PRDM5: variants seen among roughly 807,000 people sequenced by gnomAD.
The protein encoded by PRDM5 is PR domain zinc finger protein 5.
In PRDM5, 56 loss-of-function variants were observed where a neutral mutation model predicts 81.2. The ratio of observed to expected loss-of-function variants is 0.69; its 90% CI spans 0.56 to 0.86. The LOEUF is 0.86. Ranked by LOEUF, PRDM5 falls within the 40% of genes least tolerant of loss-of-function variation. The probability of loss-of-function intolerance (pLI) is 0.00; values close to 1 mark genes in which losing one functional copy is unlikely to be tolerated. For synonymous variants in PRDM5, 267 were observed against 256.4 expected, an observed-to-expected ratio of 1.04 and a Z score of -0.39; for missense variants, 697 against 770.1, an observed-to-expected ratio of 0.91 and a Z score of 1.12.
intron 13 of PRDM5, among the ~76,000 whole-genome samples, chr4:120,765,968 T>C (rs964749610): frequency 2.0e-4 from 31 of 151,436 alleles, no homozygotes; most frequent in Non-Finnish European, 3.0e-4. Flanking sequence ...TCTTTCTTTT[T>C]TTTTTTTTTT....
At chr4:120,705,458 A>G (rs1735972584) in intron 15 of PRDM5, among the ~76,000 whole-genome samples, 1 of 152,050 alleles carries the variant, frequency 6.6e-6, no homozygotes, top group Admixed American at 6.6e-5. Context: ...CCATGAAGGA[A>G]CCGGAAGAAA....
At chr4:120,716,979 G>T (rs1020439902) in intron 14 of PRDM5, among the ~76,000 whole-genome samples, 1 of 150,578 alleles carries the variant, frequency 6.6e-6, no homozygotes, top group Non-Finnish European at 1.5e-5. Context: ...GGTCAACACA[G>T]TTAGAAGAAC....
rs970580715 is a variant in PRDM5 at position 120,692,135 on chromosome 4, A to C, written c.*2976T>G. 3 of 152,106 alleles carry C rather than the reference A, an allele frequency of 2.0e-5. No homozygotes were observed. Among genetic ancestry groups the C allele is most frequent in the Admixed American group, 2.0e-4 (3 of 15,236 alleles). The allele number at this position is 152,106 out of a possible 1,614,324, so 9.4% of individuals were successfully genotyped here. On this transcript the variant is annotated 3_prime_UTR_variant, in exon 16 of 16. Coordinates refer to ENST00000264808, the MANE Select transcript of PRDM5 (RefSeq NM_018699.4). The stretch of plus-strand genomic sequence containing the variant: ...TCATAAGCAACATTTAGATTTGTGA[A>C]GGAAAAAAATGAATATTTCTAGTAC...
intron 1 of PRDM5, among the ~76,000 whole-genome samples, chr4:120,920,143 A>G (rs767025280): frequency 1.3e-5 from 2 of 152,148 alleles, no homozygotes; most frequent in Non-Finnish European, 2.9e-5. Flanking sequence ...TCCCATCTCA[A>G]CCTGGTGAAT....
chr4:120,721,563 A>G (rs967272358), intron 14 of PRDM5, among the ~76,000 whole-genome samples: 7 of 152,184 alleles, frequency 4.6e-5, no homozygotes, highest in African/African-American at 9.7e-5. Context: ...ACTGCTGCCT[A>G]TGTTCACAAA....
At chr4:120,850,608 C>A (rs1236267516) in intron 3 of PRDM5, among the ~76,000 whole-genome samples, 12 of 152,154 alleles carry the variant, frequency 7.9e-5, no homozygotes, top group Non-Finnish European at 1.2e-4. Flanking sequence ...ATGAAAGCCA[C>A]TGTCATTGCT....
At chr4:120,863,008 A>G (rs978029358) in intron 2 of PRDM5, among the ~76,000 whole-genome samples, 1 of 151,134 alleles carries the variant, frequency 6.6e-6, no homozygotes, top group Non-Finnish European at 1.5e-5. Flanking sequence ...AAAATACAAA[A>G]ATTAGCTGGG....
chr4:120,785,363 A>G (rs1460404347), intron 10 of PRDM5, among the ~76,000 whole-genome samples: 1 of 152,176 alleles, frequency 6.6e-6, no homozygotes, highest in African/African-American at 2.4e-5. Context: ...TAATCTGAAT[A>G]CACACTGAGA....
intron 13 of PRDM5, among the ~76,000 whole-genome samples, chr4:120,775,020 A>G (rs1267636671): frequency 3.3e-5 from 5 of 150,676 alleles, no homozygotes; most frequent in African/African-American, 1.2e-4. Flanking sequence ...ACATATATAT[A>G]TAATTTCTTT....
intron 2 of PRDM5, among the ~76,000 whole-genome samples, chr4:120,868,298 C>A (rs1205808557): frequency 3.3e-5 from 5 of 152,112 alleles, no homozygotes; most frequent in Non-Finnish European, 7.4e-5. Context: ...ACATTTTCTG[C>A]AGGGTTTGGG....
chr4:120,785,538 G>A (rs1054865268), intron 10 of PRDM5, among the ~76,000 whole-genome samples: 7 of 152,076 alleles, frequency 4.6e-5, no homozygotes, highest in African/African-American at 1.7e-4. Context: ...CAACTTCACT[G>A]AATCAGTTCA....
intron 2 of PRDM5, among the ~76,000 whole-genome samples, chr4:120,897,794 A>T (rs1175367741): frequency 6.6e-6 from 1 of 152,202 alleles, no homozygotes; most frequent in Non-Finnish European, 1.5e-5. Context: ...TTTGCCATTT[A>T]TACATTTCAA....
At chr4:120,727,297 G>A (rs1420171678) in intron 14 of PRDM5, among the ~76,000 whole-genome samples, 1 of 105,346 alleles carries the variant, frequency 9.5e-6, no homozygotes, top group Non-Finnish European at 2.1e-5. Context: ...AAAGATGTAT[G>A]TATATATGTG....
chr4:120,863,207 C>T (rs1347937445), intron 2 of PRDM5, among the ~76,000 whole-genome samples: 20 of 138,590 alleles, frequency 1.4e-4, no homozygotes, highest in African/African-American at 4.8e-4. Context: ...CACACACACA[C>T]ACACACACAC....
At chr4:120,864,520 T>C (rs1195163051) in intron 2 of PRDM5, among the ~76,000 whole-genome samples, 1 of 152,182 alleles carries the variant, frequency 6.6e-6, no homozygotes, top group Non-Finnish European at 1.5e-5. Flanking sequence ...GCAAATCCTT[T>C]CTAAATCCTC....
chr4:120,882,581 G>A (rs1295820051), intron 2 of PRDM5, among the ~76,000 whole-genome samples: 2 of 152,006 alleles, frequency 1.3e-5, no homozygotes, highest in East Asian at 1.9e-4. Flanking sequence ...AGAAAGCTAC[G>A]CAATACAGTA....
At chr4:120,768,253 A>G (rs1746691891) in intron 13 of PRDM5, among the ~76,000 whole-genome samples, 1 of 152,136 alleles carries the variant, frequency 6.6e-6, no homozygotes, top group Non-Finnish European at 1.5e-5. Context: ...AAAAGAGATA[A>G]CTTAAAACAG....
At chr4:120,712,048 G>A (rs1826810) in intron 14 of PRDM5, among the ~76,000 whole-genome samples, 5,336 of 152,150 alleles carry the variant, frequency 0.035, 261 homozygotes, top group East Asian at 0.15. Flanking sequence ...CACTTTGGGA[G>A]GCCAAGGCGG....
At chr4:120,912,717 A>G in intron 1 of PRDM5, among the ~76,000 whole-genome samples, 1 of 152,218 alleles carries the variant, frequency 6.6e-6, no homozygotes, top group African/African-American at 2.4e-5. Context: ...GAATGTCCTT[A>G]TGCTAAAGTA....
Sources: gnomAD v4.1 joint callset for allele counts (sites outside exome capture counted in the v4.1 genomes callset) on GRCh38, gnomAD v4.1.1 for gene constraint, MANE v1.5 for transcripts, NCBI Gene and HGNC (gene_info 2026-07-23, HGNC 2026-07-21) for gene names.